FRAS1: variants seen among roughly 807,000 people sequenced by gnomAD.
FRAS1 encodes extracellular matrix organizing protein FRAS1.
FRAS1 carries 290 observed loss-of-function variants against 435.2 expected under a neutral mutation model. The ratio of observed to expected loss-of-function variants is 0.67; its 90% confidence interval spans 0.61 to 0.73. The LOEUF is 0.73. Ranked by LOEUF, FRAS1 falls within the 30% of genes least tolerant of loss-of-function variation. The probability of loss-of-function intolerance (pLI) is 0.00; values close to 1 mark genes in which losing one functional copy is unlikely to be tolerated. For missense variants in FRAS1, 4,860 were observed against 5,001.5 expected (o/e 0.97, Z 0.85); for synonymous variants, 1,800 against 1,851.0 (o/e 0.97, Z 0.71).
chr4:78,434,370 T>C (rs1169499881), intron 38 of FRAS1, among the ~76,000 whole-genome samples: 1 of 152,214 alleles, frequency 6.6e-6, no homozygotes, highest in Non-Finnish European at 1.5e-5. Context: ...TTAAAATGGA[T>C]GGATCTTAAT....
At chr4:78,182,699 G>A (rs938959652) in intron 2 of FRAS1, among the ~76,000 whole-genome samples, 2 of 151,962 alleles carry the variant, frequency 1.3e-5, no homozygotes, top group African/African-American at 4.8e-5. Flanking sequence ...CCAACGTGGT[G>A]AAACCCCGTC....
Position 78,419,023 on chromosome 4 carries a change from G to T in FRAS1, c.4500G>T (p.Lys1500Asn). The T allele has an allele frequency of 6.3e-7, 1 of 1,599,658 alleles. No individual in the cohort carries two copies. The highest frequency in any genetic ancestry group is 1.1e-5 in the South Asian group (1 of 86,960). The stretch of plus-strand genomic sequence containing the variant: ...TAAACTCTGAGAAGCCAAGTGGAAA[G>T]ATTGTCTACAACATCACTCTACCTC... ...SFINSEKPSG[K>N]IVYNITLPLH... is the part of the protein sequence containing the mutation. The change falls in exon 33 of 74, where the codon AAG (lysine) becomes AAT (asparagine). Residue 1500 changes from lysine (K) to asparagine (N), a missense_variant. Lys to Asn is a moderately conservative substitution (Grantham distance 94). Transcript: ENST00000512123.
intron 32 of FRAS1, among the ~76,000 whole-genome samples, chr4:78,418,142 A>G (rs1733625046): frequency 6.6e-6 from 1 of 152,250 alleles, no homozygotes; most frequent in African/African-American, 2.4e-5. Context: ...CGTCTGATTA[A>G]CATTGCCTCA....
chr4:78,331,883 G>A (rs1729963679), intron 18 of FRAS1, among the ~76,000 whole-genome samples: 2 of 152,316 alleles, frequency 1.3e-5, no homozygotes, highest in Admixed American at 1.3e-4. Context: ...CAGAAGATCA[G>A]GAGACTGTTG....
At chr4:78,449,867 C>T (rs955887044) in intron 44 of FRAS1, among the ~76,000 whole-genome samples, 1 of 152,086 alleles carries the variant, frequency 6.6e-6, no homozygotes, top group Non-Finnish European at 1.5e-5. Context: ...TAGGTATTAA[C>T]TGGTAGGTCA....
chr4:78,234,484 G>A (rs1208908093), intron 2 of FRAS1, among the ~76,000 whole-genome samples: 1 of 152,028 alleles, frequency 6.6e-6, no homozygotes. Context: ...CTCGGCCCCC[G>A]AAAGTGCTGG....
chr4:78,330,844 C>G (rs1729919263), intron 18 of FRAS1, among the ~76,000 whole-genome samples: 1 of 152,234 alleles, frequency 6.6e-6, no homozygotes, highest in Non-Finnish European at 1.5e-5. Flanking sequence ...GCCCTGCCTC[C>G]ACTTGCCTTG....
chr4:78,420,696 C>T (rs906086774), intron 33 of FRAS1, among the ~76,000 whole-genome samples: 7 of 151,730 alleles, frequency 4.6e-5, no homozygotes, highest in Non-Finnish European at 7.4e-5. Flanking sequence ...TACCAGCAGA[C>T]CAATCTGTGC....
At chr4:78,207,558 T>G (rs2110081608) in intron 2 of FRAS1, among the ~76,000 whole-genome samples, 1 of 152,372 alleles carries the variant, frequency 6.6e-6, no homozygotes, top group African/African-American at 2.4e-5. Context: ...TAATGATAGA[T>G]ACTTGCTTCT....
At chr4:78,280,549 G>A (rs1727282675) in intron 10 of FRAS1, among the ~76,000 whole-genome samples, 1 of 151,602 alleles carries the variant, frequency 6.6e-6, no homozygotes, top group Non-Finnish European at 1.5e-5. Flanking sequence ...TTAGGGATAA[G>A]GAGTTTGACT....
chr4:78,283,039 C>A (rs766830028), intron 12 of FRAS1, 72 bp downstream of exon 12: 10 of 1,163,808 alleles, frequency 8.6e-6, no homozygotes, highest in Non-Finnish European at 1.1e-5. Context: ...CTCTTCCCCA[C>A]CCCCTTGCTT....
At chr4:78,207,961 C>A (rs1203422121) in intron 2 of FRAS1, among the ~76,000 whole-genome samples, 1 of 152,098 alleles carries the variant, frequency 6.6e-6, no homozygotes, top group African/African-American at 2.4e-5. Flanking sequence ...GCATTGTGAA[C>A]CTTTGCTCCA....
At chr4:78,294,098 C>T (rs1728032503) in intron 14 of FRAS1, among the ~76,000 whole-genome samples, 2 of 152,188 alleles carry the variant, frequency 1.3e-5, no homozygotes, top group African/African-American at 4.8e-5. Context: ...GTATGGCATA[C>T]GTTCTTTCTC....
intron 6 of FRAS1, among the ~76,000 whole-genome samples, chr4:78,261,386 C>T (rs553577087): frequency 1.7e-4 from 26 of 152,214 alleles, no homozygotes; most frequent in African/African-American, 6.0e-4. Flanking sequence ...TAGAGTGTTA[C>T]TCCTTTGTCT....
chr4:78,511,153 T>C (rs1227197727), intron 63 of FRAS1, 121 bp from the exon 64 acceptor site: 1 of 812,724 alleles, frequency 1.2e-6, no homozygotes, highest in Non-Finnish European at 1.9e-6. Flanking sequence ...AATGAATGAA[T>C]AGATGGAAAA....
At chr4:78,468,229 C>T (rs1030873812) in intron 50 of FRAS1, among the ~76,000 whole-genome samples, 3 of 152,172 alleles carry the variant, frequency 2.0e-5, no homozygotes, top group East Asian at 1.9e-4. Context: ...ATTCTTTGGT[C>T]GATTTTGATT....
intron 2 of FRAS1, chr4:78,180,946 T>A (rs1721971999): frequency 1.9e-6 from 3 of 1,610,466 alleles, no homozygotes; most frequent in Non-Finnish European, 2.5e-6. Flanking sequence ...CTGCCACGGT[T>A]TGGGCGCCCA....
intron 22 of FRAS1, among the ~76,000 whole-genome samples, chr4:78,365,075 T>C (rs534846495): frequency 6.6e-6 from 1 of 152,218 alleles, no homozygotes; most frequent in Non-Finnish European, 1.5e-5. Context: ...GTTGTCAGTA[T>C]TGATTAACGA....
At position 78,481,916 on chromosome 4, in the gene FRAS1, C is replaced by T. The variant is rs778885038; in HGVS notation, c.8556C>T (p.Tyr2852=). 26 of 1,613,744 alleles carry T rather than the reference C, an allele frequency of 1.6e-5. No homozygotes were observed. The highest frequency in any genetic ancestry group is 3.3e-5 in the South Asian group (3 of 91,056). ...DPASATPGVD[Y]VPSSRKVEFG... is the part of the protein sequence containing the mutation. ...CTTCTGCCACACCAGGAGTTGACTA[C>T]GTTCCCAGCTCTCGGAAGGTGGAAT... Residue 2852 remains tyrosine, a synonymous_variant, in exon 57 of 74, where the codon TAC becomes TAT. Coordinates refer to ENST00000512123, the MANE Select transcript of FRAS1 (RefSeq NM_025074.7).
Sources: allele counts gnomAD v4.1 joint callset (sites outside exome capture counted in the v4.1 genomes callset), GRCh38; gene constraint gnomAD v4.1.1; transcripts MANE v1.5; gene names NCBI Gene and HGNC (gene_info 2026-07-23, HGNC 2026-07-21).